NAALADL2: variants seen among roughly 807,000 people sequenced by gnomAD.
NAALADL2 encodes N-acetylated alpha-linked acidic dipeptidase like 2.
A neutral mutation model predicts 87.2 loss-of-function variants in NAALADL2; 76 were observed. The observed-to-expected ratio is 0.87, with a 90% CI of 0.72 to 1.05. The LOEUF (loss-of-function observed/expected upper bound fraction) is 1.05, where lower values mean the gene tolerates loss of function less well. Ranked by LOEUF, NAALADL2 falls within the 50% of genes least tolerant of loss-of-function variation. The pLI is 0.00. For missense variants in NAALADL2, 1,089 were observed against 945.8 expected (o/e 1.15, Z -1.99); for synonymous variants, 354 against 331.0 (o/e 1.07, Z -0.75).
At chr3:175,661,684 G>A (rs993526260) in intron 11 of NAALADL2, among the ~76,000 whole-genome samples, 3 of 151,980 alleles carry the variant, frequency 2.0e-5, no homozygotes, top group South Asian at 2.1e-4. Flanking sequence ...TGGTGACAGA[G>A]GAGTCTGGTT....
chr3:175,214,632 C>T (rs891159101), intron 2 of NAALADL2, among the ~76,000 whole-genome samples: 1 of 151,986 alleles, frequency 6.6e-6, no homozygotes. Flanking sequence ...GAGTCTTCTA[C>T]AGACAAGAAA....
chr3:174,505,841 G>A (rs1020213544), intron 1 of NAALADL2, among the ~76,000 whole-genome samples: 1 of 151,966 alleles, frequency 6.6e-6, no homozygotes, highest in African/African-American at 2.4e-5. Context: ...ACTTACAAAT[G>A]GTCTGTAAAA....
chr3:175,754,342 C>T (rs1363056333), intron 12 of NAALADL2, among the ~76,000 whole-genome samples: 1 of 152,162 alleles, frequency 6.6e-6, no homozygotes, highest in East Asian at 1.9e-4. Context: ...GACAACTATA[C>T]TAGTGTTGCC....
intron 4 of NAALADL2, among the ~76,000 whole-genome samples, chr3:175,292,311 G>A (rs775681243): frequency 6.6e-6 from 1 of 152,118 alleles, no homozygotes; most frequent in Non-Finnish European, 1.5e-5. Flanking sequence ...TAAAGTCTTC[G>A]AGGACTACTT....
At chr3:174,955,698 C>A (rs1393361738) in intron 1 of NAALADL2, among the ~76,000 whole-genome samples, 3 of 152,002 alleles carry the variant, frequency 2.0e-5, no homozygotes, top group Non-Finnish European at 4.4e-5. Flanking sequence ...CAGCAGATTG[C>A]CCCCATAGGT....
At chr3:175,355,862 G>A (rs900293125) in intron 5 of NAALADL2, among the ~76,000 whole-genome samples, 2 of 152,182 alleles carry the variant, frequency 1.3e-5, no homozygotes, top group Non-Finnish European at 2.9e-5. Flanking sequence ...TACTAGAAGT[G>A]TTACCCAATG....
intron 2 of NAALADL2, among the ~76,000 whole-genome samples, chr3:175,159,684 G>A (rs1432476452): frequency 6.6e-6 from 1 of 152,124 alleles, no homozygotes; most frequent in Non-Finnish European, 1.5e-5. Context: ...GGGACTATTT[G>A]AAATAATGAA....
At chr3:175,706,013 C>G (rs1424374153) in intron 11 of NAALADL2, among the ~76,000 whole-genome samples, 1 of 152,084 alleles carries the variant, frequency 6.6e-6, no homozygotes, top group Non-Finnish European at 1.5e-5. Flanking sequence ...TGAAATAACA[C>G]TTGGACTTCA....
At chr3:175,754,155 C>T (rs1355134127) in intron 12 of NAALADL2, among the ~76,000 whole-genome samples, 3 of 152,148 alleles carry the variant, frequency 2.0e-5, no homozygotes, top group Non-Finnish European at 4.4e-5. Flanking sequence ...CCTGTGGGGA[C>T]ATACTGAACA....
chr3:175,000,631 G>A (rs917131146), intron 1 of NAALADL2, among the ~76,000 whole-genome samples: 32 of 151,850 alleles, frequency 2.1e-4, no homozygotes, highest in African/African-American at 7.2e-4. Flanking sequence ...TTTTCTTCTC[G>A]TTATTTTTTC....
At position 175,624,277 on chromosome 3, in the gene NAALADL2, C is replaced by G. The variant is rs10936866; in HGVS notation, c.1801-3014C>G. 6.8e-3 allele frequency among the ~76,000 whole-genome samples: 1,031 copies of G among 152,134 alleles called. 9 individuals carry two copies. Among genetic ancestry groups the G allele is most frequent in the African/African-American group, 0.024 (989 of 41,524 alleles). ...AAGTCAACTTATTAATACAACCAAACTTTCCAGAGTTCCTCCTCATTTTCC... is the reference window on the plus strand; with the variant it reads ...AAGTCAACTTATTAATACAACCAAAGTTTCCAGAGTTCCTCCTCATTTTCC... On this transcript the variant is annotated intron_variant, in intron 10 of 13. Transcript: ENST00000454872.
intron 2 of NAALADL2, among the ~76,000 whole-genome samples, chr3:174,657,071 C>T (rs1462910014): frequency 1.5e-5 from 2 of 130,946 alleles, no homozygotes; most frequent in Admixed American, 8.1e-5. Context: ...GCTCCGTTGC[C>T]TAGATTGGAG....
intron 2 of NAALADL2, among the ~76,000 whole-genome samples, chr3:174,719,503 G>C (rs1431262487): frequency 1.3e-5 from 2 of 152,140 alleles, no homozygotes; most frequent in African/African-American, 4.8e-5. Context: ...TGTAAATGAA[G>C]GACTTAGCAA....
At chr3:175,407,931 G>A (rs1474969236) in intron 5 of NAALADL2, among the ~76,000 whole-genome samples, 1 of 152,158 alleles carries the variant, frequency 6.6e-6, no homozygotes, top group East Asian at 1.9e-4. Context: ...ATTATAAGAT[G>A]ATATTTTTGT....
chr3:175,607,732 T>C (rs1723968612), intron 10 of NAALADL2, among the ~76,000 whole-genome samples: 1 of 152,186 alleles, frequency 6.6e-6, no homozygotes, highest in Non-Finnish European at 1.5e-5. Flanking sequence ...ACGTTGACTC[T>C]TAATAAAGGA....
intron 12 of NAALADL2, among the ~76,000 whole-genome samples, chr3:175,747,689 TCA>T (rs1386113992): frequency 6.6e-6 from 1 of 152,024 alleles, no homozygotes; most frequent in Non-Finnish European, 1.5e-5. Context: ...ATAATTAGAC[TCA>T]CATGTGATAT....
At chr3:175,162,038 T>C (rs998931544) in intron 2 of NAALADL2, among the ~76,000 whole-genome samples, 2 of 152,208 alleles carry the variant, frequency 1.3e-5, no homozygotes, top group Non-Finnish European at 1.5e-5. Flanking sequence ...CACCTTGTAA[T>C]CTTCTAAGCT....
intron 2 of NAALADL2, among the ~76,000 whole-genome samples, chr3:175,100,639 A>T (rs1264273817): frequency 2.0e-5 from 3 of 152,066 alleles, no homozygotes; most frequent in African/African-American, 7.2e-5. Context: ...GGAGTTCAAG[A>T]CCAGCCTGGC....
intron 1 of NAALADL2, among the ~76,000 whole-genome samples, chr3:174,868,558 T>A (rs1022414811): frequency 1.9e-4 from 29 of 152,080 alleles, no homozygotes; most frequent in African/African-American, 6.5e-4. Context: ...GCTGAATTCA[T>A]GTGATTATAG....
Sources: gnomAD v4.1 joint callset for allele counts (sites outside exome capture counted in the v4.1 genomes callset) on GRCh38, gnomAD v4.1.1 for gene constraint, MANE v1.5 for transcripts, NCBI Gene and HGNC (gene_info 2026-07-23, HGNC 2026-07-21) for gene names.